Variants in PLXNA4 observed in about 807,000 individuals in gnomAD.
PLXNA4 encodes the protein plexin A4, also known as plexin-A4.
PLXNA4 carries 44 observed loss-of-function variants against 191.8 expected under a neutral mutation model. The ratio of observed to expected loss-of-function variants is 0.23; its 90% CI spans 0.18 to 0.29. The LOEUF is 0.29. Among genes scored for constraint, PLXNA4 ranks in the 10% least tolerant of loss-of-function variants. PLXNA4 has a pLI of 1.00. For missense variants in PLXNA4, 1,800 were observed against 2,488.8 expected (o/e 0.72, Z 5.89); for synonymous variants, 1,082 against 1,009.5 (o/e 1.07, Z -1.36).
chr7:132,131,001 T>G (rs551017022), intron 31 of PLXNA4, among the ~76,000 whole-genome samples: 1 of 152,240 alleles, frequency 6.6e-6, no homozygotes, highest in South Asian at 2.1e-4. Context: ...TGTTAAGACA[T>G]CCCACCCTTC....
intron 3 of PLXNA4, among the ~76,000 whole-genome samples, chr7:132,335,297 A>G (rs1361890287): frequency 6.6e-6 from 1 of 152,188 alleles, no homozygotes; most frequent in Non-Finnish European, 1.5e-5. Context: ...TGGAGGGAGG[A>G]CACTAAATAA....
intron 14 of PLXNA4, among the ~76,000 whole-genome samples, chr7:132,190,989 C>T (rs954142863): frequency 8.5e-5 from 13 of 152,226 alleles, no homozygotes; most frequent in African/African-American, 2.9e-4. Flanking sequence ...AGACTGAGGA[C>T]TGGGTCCCGA....
chr7:132,530,747 T>G (rs1799588001), intron 1 of PLXNA4, among the ~76,000 whole-genome samples: 1 of 152,186 alleles, frequency 6.6e-6, no homozygotes, highest in Non-Finnish European at 1.5e-5. Flanking sequence ...CTAAGTATAT[T>G]CCAAAACAGA....
chr7:132,500,536 C>A (rs73158858), intron 2 of PLXNA4, among the ~76,000 whole-genome samples: 16,026 of 152,058 alleles, frequency 0.11, 1,067 homozygotes, highest in Non-Finnish European at 0.14. Context: ...CATCCTAGGG[C>A]CTGAGATACC....
chr7:132,399,010 T>G (rs1462256614), intron 3 of PLXNA4, among the ~76,000 whole-genome samples: 2 of 152,158 alleles, frequency 1.3e-5, no homozygotes, highest in East Asian at 3.9e-4. Context: ...TCTCAAGGCC[T>G]CTCAACCACA....
intron 1 of PLXNA4, among the ~76,000 whole-genome samples, chr7:132,545,692 T>A (rs1387170644): frequency 6.6e-6 from 1 of 152,050 alleles, no homozygotes; most frequent in Non-Finnish European, 1.5e-5. Context: ...ATTTGTTTTT[T>A]GCAGGAAAAG....
chr7:132,365,387 A>G (rs1190049536), intron 3 of PLXNA4, among the ~76,000 whole-genome samples: 1 of 104,330 alleles, frequency 9.6e-6, no homozygotes. Context: ...ATGGGGCAAG[A>G]GTGTGATGGT....
chr7:132,365,328 C>CGCGTGTGTGTGT (rs142768008), intron 3 of PLXNA4, among the ~76,000 whole-genome samples: 13 of 143,074 alleles, frequency 9.1e-5, no homozygotes, highest in African/African-American at 3.5e-4. Flanking sequence ...CTACGGCCCG[C>CGCGTGTGTGTGT]GTGTGTGTGT....
At chr7:132,563,135 C>T (rs1801395897) in intron 1 of PLXNA4, among the ~76,000 whole-genome samples, 2 of 98,348 alleles carry the variant, frequency 2.0e-5, no homozygotes, top group Non-Finnish European at 4.3e-5. Context: ...TCCTCCTCCT[C>T]CTTCTCCTCT....
intron 1 of PLXNA4, among the ~76,000 whole-genome samples, chr7:132,566,461 G>A (rs919140577): frequency 6.6e-6 from 1 of 152,150 alleles, no homozygotes; most frequent in African/African-American, 2.4e-5. Flanking sequence ...CCTTTTCTTG[G>A]ATGGCAAAGT....
Position 132,130,571 on chromosome 7 carries a change from G to A in PLXNA4, c.5593C>T (p.Leu1865Phe), listed in dbSNP as rs375841035. 1 of 1,614,112 alleles carries A rather than the reference G, an allele frequency of 6.2e-7. No individual in the cohort carries two copies. Among genetic ancestry groups the A allele is most frequent in the African/African-American group, 1.3e-5 (1 of 75,034 alleles). Reference sequence around the variant, plus strand: ...TGGTCATCGTGGTCCAGAGGTCCAAGGATCTGCGGAAGGGCCAAGAACAGG... The same window carrying A: ...TGGTCATCGTGGTCCAGAGGTCCAAAGATCTGCGGAAGGGCCAAGAACAGG... ...SYVGKYSEEI[L>F]GPLDHDDQCG... The change falls in exon 32 of 32, where the codon CTT (leucine) becomes TTT (phenylalanine). Residue 1865 changes from leucine (L) to phenylalanine (F), a missense_variant. This residue lies in a region of PLXNA4 where 83 missense variants were observed against 81.6 expected (regional missense o/e 1.02). Coordinates refer to ENST00000321063, the MANE Select transcript of PLXNA4 (RefSeq NM_020911.2).
chr7:132,453,430 A>G (rs1376447109), intron 3 of PLXNA4, among the ~76,000 whole-genome samples: 1 of 152,104 alleles, frequency 6.6e-6, no homozygotes, highest in Non-Finnish European at 1.5e-5. Flanking sequence ...CTCAGAAACT[A>G]TAGAGGTGTG....
At chr7:132,299,185 G>A (rs1801216143) in intron 3 of PLXNA4, among the ~76,000 whole-genome samples, 1 of 152,188 alleles carries the variant, frequency 6.6e-6, no homozygotes, top group Non-Finnish European at 1.5e-5. Flanking sequence ...GGCTAGGCAA[G>A]AACTAGGGGA....
chr7:132,140,962 G>A, intron 29 of PLXNA4, 151 bp from the exon 30 acceptor site: 1 of 1,382,996 alleles, frequency 7.2e-7, no homozygotes, highest in Non-Finnish European at 9.6e-7. Context: ...TGCCAGGGAA[G>A]GGAGGTGAGG....
chr7:132,621,077 A>G (rs2116866613), intron 2 of PLXNA4, among the ~76,000 whole-genome samples: 1 of 152,186 alleles, frequency 6.6e-6, no homozygotes, highest in East Asian at 1.9e-4. Context: ...AGGCCCTACC[A>G]ACAAATACCA....
At chr7:132,596,228 A>G (rs1357865033) in intron 2 of PLXNA4, among the ~76,000 whole-genome samples, 5 of 152,170 alleles carry the variant, frequency 3.3e-5, no homozygotes, top group East Asian at 1.9e-4. Flanking sequence ...GTGTTGACTG[A>G]CTTGTCCCTC....
intron 3 of PLXNA4, among the ~76,000 whole-genome samples, chr7:132,424,412 G>C (rs1297590729): frequency 1.3e-5 from 2 of 152,194 alleles, no homozygotes; most frequent in Non-Finnish European, 2.9e-5. Context: ...CAAGACAGTA[G>C]AGGGGGCACT....
At chr7:132,533,925 C>CTAT (rs61158936) in intron 1 of PLXNA4, among the ~76,000 whole-genome samples, 7,807 of 150,050 alleles carry the variant, frequency 0.052, 480 homozygotes, top group East Asian at 0.23. Context: ...AAGGATATTA[C>CTAT]TATTATTATT....
intron 21 of PLXNA4, among the ~76,000 whole-genome samples, chr7:132,173,399 A>C (rs1796352917): frequency 6.6e-6 from 1 of 152,202 alleles, no homozygotes; most frequent in Non-Finnish European, 1.5e-5. Flanking sequence ...GCACACAAAC[A>C]CACATATAGA....
Sources: gnomAD v4.1 joint callset for allele counts (sites outside exome capture counted in the v4.1 genomes callset) on GRCh38, gnomAD v4.1.1 for gene constraint, gnomAD v4.1.1 regional missense constraint, MANE v1.5 for transcripts, NCBI Gene and HGNC (gene_info 2026-07-23, HGNC 2026-07-21) for gene names.